PC: variants seen among roughly 807,000 people sequenced by gnomAD.
PC encodes pyruvate carboxylase, mitochondrial.
A neutral mutation model predicts 107.8 loss-of-function variants in PC; 46 were observed. The observed-to-expected ratio is 0.43, with a 90% CI of 0.34 to 0.55. The LOEUF (loss-of-function observed/expected upper bound fraction) is 0.55, where lower values mean the gene tolerates loss of function less well. Ranked by LOEUF, PC falls within the 20% of genes least tolerant of loss-of-function variation. The probability of loss-of-function intolerance (pLI) is 0.04; values close to 1 mark genes in which losing one functional copy is unlikely to be tolerated. For missense variants in PC, 1,241 were observed against 1,643.1 expected (o/e 0.76, Z 4.23); for synonymous variants, 662 against 684.7 (o/e 0.97, Z 0.52).
At chr11:66,924,021 G>A (rs1948655369) in intron 3 of PC, among the ~76,000 whole-genome samples, 2 of 151,496 alleles carry the variant, frequency 1.3e-5, no homozygotes, top group South Asian at 4.2e-4. Flanking sequence ...TGGCCAACAT[G>A]GCAAAACCAT....
intron 3 of PC, among the ~76,000 whole-genome samples, chr11:66,873,190 C>T (rs980996250): frequency 1.4e-5 from 2 of 139,282 alleles, no homozygotes; most frequent in Non-Finnish European, 3.1e-5. Context: ...AAATATAAAA[C>T]TTAGCCAGGC....
At position 66,848,855 on chromosome 11, in the gene PC, T is replaced by C; in HGVS notation, c.*44A>G. 1 of 1,612,604 alleles carries C rather than the reference T, an allele frequency of 6.2e-7. No individual in the cohort carries two copies. The highest frequency in any genetic ancestry group is 8.5e-7 in the Non-Finnish European group (1 of 1,179,892). The stretch of plus-strand genomic sequence containing the variant: ...GGGCCTGCCGTGGCAGCACAGCTTC[T>C]GTTGAAGGCTTGGGGATGGCCAGGC... On this transcript the variant is annotated 3_prime_UTR_variant, in exon 23 of 23. Coordinates refer to ENST00000393960, the MANE Select transcript of PC (RefSeq NM_001040716.2).
chr11:66,913,857 T>TG (rs1948403810), intron 3 of PC, among the ~76,000 whole-genome samples: 1 of 152,050 alleles, frequency 6.6e-6, no homozygotes, highest in South Asian at 2.1e-4. Flanking sequence ...CCCCAGGCAC[T>TG]GGAGGAGGAC....
chr11:66,945,421 G>GT lies in PC; in HGVS notation c.-1+7008_-1+7009insA, dbSNP rs1366347686. 5.1e-5 allele frequency among the ~76,000 whole-genome samples: 5 copies of GT among 97,552 alleles called. 2 individuals are homozygous for GT. Among genetic ancestry groups the GT allele is most frequent in the South Asian group, 6.2e-4 (2 of 3,214 alleles). 64.0% of individuals were successfully genotyped at this position (97,552 alleles called of 152,430 possible). ...GATTAACTGAATTCAAATGGTTTGG[G>GT]GGGGCGGGTCGGAACTGCAGAGTTA... is the stretch of plus-strand genomic sequence containing the variant. On this transcript the variant is annotated intron_variant, in intron 3 of 22. Coordinates refer to ENST00000393960, the MANE Select transcript of PC (RefSeq NM_001040716.2).
chr11:66,856,484 CA>C lies in PC; in HGVS notation c.1369-3102del, dbSNP rs1945840419. Among the ~76,000 whole-genome samples, 9 of 152,178 alleles carry C rather than the reference CA, an allele frequency of 5.9e-5. No homozygotes were observed. In the South Asian group the frequency reaches 1.9e-3, roughly 32 times the overall value. ...CGGCCCCACCCCGCAGCAGCCCTGC[CA>C]GGGGCGCCGCCCCAGCCCCCCCCAC... On this transcript the variant is annotated intron_variant, in intron 12 of 22. Transcript: ENST00000393960.
At chr11:66,899,449 C>G (rs528129066) in intron 3 of PC, among the ~76,000 whole-genome samples, 3 of 152,100 alleles carry the variant, frequency 2.0e-5, no homozygotes, top group Non-Finnish European at 4.4e-5. Context: ...GGCAGTGGCA[C>G]GACCATAGTT....
chr11:66,860,710 TG>T (rs2135885551), intron 12 of PC: 1 of 700,716 alleles, frequency 1.4e-6, no homozygotes. Context: ...TACCCTCGCC[TG>T]TAAGTGCAAA....
intron 12 of PC, among the ~76,000 whole-genome samples, chr11:66,855,250 G>A (rs959803211): frequency 2.8e-4 from 42 of 152,216 alleles, no homozygotes; most frequent in Admixed American, 2.3e-3. Context: ...GGCCCATCTG[G>A]TTCCTGATGA....
chr11:66,927,696 C>G (rs972596274), intron 3 of PC, among the ~76,000 whole-genome samples: 4 of 149,380 alleles, frequency 2.7e-5, no homozygotes, highest in African/African-American at 9.9e-5. Context: ...GCACTCCAGC[C>G]TGGGCAACAA....
Position 66,857,387 on chromosome 11 carries a change from G to T in PC, c.1369-4004C>A. ...TCGGGGGGCGCCTTCTCTGGCGGGG[G>T]AGGGTATGGCGGGGAGTGGGGAGGC... On this transcript the variant is annotated intron_variant, in intron 12 of 22. Transcript: ENST00000393960. This position sits in a 1 kb window ranked among gnomAD's most constrained non-coding sequence, Gnocchi z 7.1. The T allele has an allele frequency of 4.3e-6, 1 of 230,586 alleles. No individual in the cohort carries two copies. The highest frequency in any genetic ancestry group is 8.4e-6 in the Non-Finnish European group (1 of 118,864). The allele number at this position is 230,586 out of a possible 1,614,324, so 14.3% of individuals were successfully genotyped here.
intron 22 of PC, 27 bp from the exon 23 acceptor site, chr11:66,849,174 G>A: frequency 6.2e-7 from 1 of 1,613,674 alleles, no homozygotes; most frequent in South Asian, 1.1e-5. Flanking sequence ...GAGGGGACAT[G>A]ACATCCTGGG....
intron 18 of PC, 53 bp from the exon 19 acceptor site, chr11:66,850,517 G>A: frequency 6.2e-7 from 1 of 1,612,354 alleles, no homozygotes. Flanking sequence ...ACTCTTCCAG[G>A]ACCCAGGGCT....
chr11:66,930,246 C>T (rs1040503987), intron 3 of PC, among the ~76,000 whole-genome samples: 4 of 152,166 alleles, frequency 2.6e-5, no homozygotes, highest in Non-Finnish European at 5.9e-5. Flanking sequence ...AGCCCTCACA[C>T]AGACTTGCAG....
chr11:66,886,857 C>T (rs1272531877), intron 3 of PC, among the ~76,000 whole-genome samples: 10 of 152,160 alleles, frequency 6.6e-5, no homozygotes, highest in Non-Finnish European at 1.3e-4. Context: ...CATCCCAGCC[C>T]GCTCCAGAGA....
intron 3 of PC, among the ~76,000 whole-genome samples, chr11:66,874,185 C>A (rs1408543302): frequency 2.0e-5 from 3 of 152,184 alleles, no homozygotes; most frequent in Non-Finnish European, 4.4e-5. Flanking sequence ...GCCTCGACCT[C>A]CTGACCTCAG....
chr11:66,864,062 G>A (rs949287081), intron 11 of PC, 106 bp from the exon 12 acceptor site: 4 of 1,128,678 alleles, frequency 3.5e-6, no homozygotes, highest in African/African-American at 1.5e-5. Flanking sequence ...GCTGAGAGCA[G>A]AGCGTGGGGT....
intron 3 of PC, among the ~76,000 whole-genome samples, chr11:66,930,330 T>C (rs1039732432): frequency 6.6e-6 from 1 of 152,214 alleles, no homozygotes; most frequent in African/African-American, 2.4e-5. Context: ...GGCAAATTAG[T>C]TTTCAAAACC....
In PC at chr11:66,848,857, T is replaced by C. The variant is rs1334748117; in HGVS notation, c.*42A>G. On this transcript the variant is annotated 3_prime_UTR_variant, in exon 23 of 23. Transcript: ENST00000393960. ...GCCTGCCGTGGCAGCACAGCTTCTG[T>C]TGAAGGCTTGGGGATGGCCAGGCTG... 1.2e-6 allele frequency: 2 copies of C among 1,612,620 alleles called. No homozygotes were observed. Among genetic ancestry groups the C allele is most frequent in the Non-Finnish European group, 8.5e-7 (1 of 1,179,880 alleles).
At chr11:66,890,595 G>T (rs1267792632) in intron 3 of PC, among the ~76,000 whole-genome samples, 1 of 150,896 alleles carries the variant, frequency 6.6e-6, no homozygotes, top group East Asian at 2.0e-4. Context: ...CTGCCTCCCA[G>T]GTTCAAGCGA....
Sources: gnomAD v4.1 joint callset for allele counts (sites outside exome capture counted in the v4.1 genomes callset) on GRCh38, gnomAD v4.1.1 for gene constraint, Gnocchi (gnomAD v3.1) non-coding constraint, MANE v1.5 for transcripts, NCBI Gene and HGNC (gene_info 2026-07-23, HGNC 2026-07-21) for gene names.